Variants in TGM3 observed in about 807,000 individuals in gnomAD.
The protein encoded by TGM3 is transglutaminase 3, also known as protein-glutamine gamma-glutamyltransferase E.
A neutral mutation model predicts 73.8 loss-of-function variants in TGM3; 52 were observed. The observed-to-expected ratio is 0.70, with a 90% CI of 0.56 to 0.89. The LOEUF (loss-of-function observed/expected upper bound fraction) is 0.89, where lower values mean the gene tolerates loss of function less well. Among genes scored for constraint, TGM3 ranks in the 40% least tolerant of loss-of-function variants. The pLI, the probability that TGM3 is intolerant of heterozygous loss-of-function variation, is 0.00. For missense variants in TGM3, 928 were observed against 909.9 expected, an observed-to-expected ratio of 1.02 and a Z score of -0.26; for synonymous variants, 372 against 354.9, an observed-to-expected ratio of 1.05 and a Z score of -0.54.
At chr20:2,306,031 C>A (rs376404514) in intron 1 of TGM3, among the ~76,000 whole-genome samples, 2 of 152,142 alleles carry the variant, frequency 1.3e-5, no homozygotes, top group African/African-American at 4.8e-5. Flanking sequence ...TTGGGAGGCA[C>A]CCTGGAGCTC....
At chr20:2,313,098 C>T (rs1343127201) in intron 5 of TGM3, 72 bp downstream of exon 5, 11 of 1,585,204 alleles carry the variant, frequency 6.9e-6, no homozygotes, top group African/African-American at 2.7e-5. Context: ...TAGGCACGCA[C>T]ACTCTTTACA....
Position 2,334,202 on chromosome 20 carries a change from T to C in TGM3, c.1643-914T>C, listed in dbSNP as rs556339338. 7.2e-4 allele frequency among the ~76,000 whole-genome samples: 109 copies of C among 152,228 alleles called. No homozygotes were observed. The highest frequency in any genetic ancestry group is 2.4e-3 in the African/African-American group (101 of 41,538). ...GAGGCATTTCCATCTGGGGGAACCA[T>C]GTGAGTCAAAATATGGGGGCGAAAA... On this transcript the variant is annotated intron_variant, in intron 10 of 12. Coordinates refer to ENST00000381458, the MANE Select transcript of TGM3 (RefSeq NM_003245.4). This position sits in a 1 kb window ranked among gnomAD's most constrained non-coding sequence, Gnocchi z 4.0.
In TGM3 at chr20:2,331,961, A is replaced by G. The variant is rs199867346; in HGVS notation, c.1334-41A>G. ...GGTACTGTCCTTTGCCCAGGTTGCC[A>G]TCACATCCCTGGCATGTTTCTGTCT... On this transcript the variant is annotated intron_variant, in intron 9 of 12. Coordinates refer to ENST00000381458, the MANE Select transcript of TGM3 (RefSeq NM_003245.4). The G allele has an allele frequency of 1.3e-4, 208 of 1,563,008 alleles. 1 individual carries two copies. In the South Asian group the frequency reaches 2.4e-3, roughly 18 times the overall value.
At chr20:2,312,396 C>CA (rs57369938) in intron 4 of TGM3, among the ~76,000 whole-genome samples, 34,375 of 60,582 alleles carry the variant, frequency 0.57, 11,995 homozygotes, top group East Asian at 0.83. Context: ...GACTCCGTCT[C>CA]AAAAAAAAAA....
rs1327142755 is a variant in TGM3, at chr20:2,311,179, G to T, written c.540+50G>T. 2.7e-6 allele frequency: 4 copies of T among 1,472,080 alleles called. No homozygotes were observed. In the South Asian group the frequency reaches 3.4e-5, roughly 13 times the overall value. 91.2% of individuals were successfully genotyped at this position (1,472,080 alleles called of 1,614,324 possible). On this transcript the variant is annotated intron_variant, in intron 4 of 12. Transcript: ENST00000381458. ...GGGTAATGTCCCTGTTACCCAAGAAGCTCAGCAGCTTGCCCCACAGATCAA... is the reference window on the plus strand; with the variant it reads ...GGGTAATGTCCCTGTTACCCAAGAATCTCAGCAGCTTGCCCCACAGATCAA...
In TGM3 at chr20:2,335,112, C is replaced by G; in HGVS notation, c.1643-4C>G. 6.2e-7 allele frequency: 1 copy of G among 1,614,166 alleles called. No homozygotes were observed. The highest frequency in any genetic ancestry group is 8.5e-7 in the Non-Finnish European group (1 of 1,179,984). On this transcript the variant is annotated splice_polypyrimidine_tract_variant and splice_region_variant and intron_variant, in intron 10 of 12. Coordinates refer to ENST00000381458, the MANE Select transcript of TGM3 (RefSeq NM_003245.4). ...CACTCGGATCCCCTGGCTTCTCCTT[C>G]CAGAGGCAGAACATCCCATAAAGAT...
intron 7 of TGM3, among the ~76,000 whole-genome samples, chr20:2,322,445 A>G (rs1348681296): frequency 6.7e-6 from 1 of 149,668 alleles, no homozygotes; most frequent in Non-Finnish European, 1.5e-5. Context: ...ACATTATATC[A>G]TGAGCATTCT....
At chr20:2,326,988 A>G (rs888104499) in intron 8 of TGM3, among the ~76,000 whole-genome samples, 7 of 152,224 alleles carry the variant, frequency 4.6e-5, no homozygotes, top group African/African-American at 1.7e-4. Flanking sequence ...AGTGCACGTT[A>G]CTAGATTTGG....
chr20:2,328,338 G>A lies in TGM3; in HGVS notation c.1306G>A (p.Val436Ile), dbSNP rs769115793. The change falls in exon 9 of 13, where the codon GTC (valine) becomes ATC (isoleucine). Residue 436 changes from valine (V) to isoleucine (I), a missense_variant. Transcript: ENST00000381458. This position sits in a 1 kb window ranked among gnomAD's most constrained non-coding sequence, Gnocchi z 5.2. ...GGTGGGCAGCAATGCTCGCATGGACGTCACGGACAAGTACAAGTACCCAGA... is the reference window on the plus strand; with the variant it reads ...GGTGGGCAGCAATGCTCGCATGGACATCACGGACAAGTACAAGTACCCAGA... ...KAVGSNARMD[V>I]TDKYKYPEGS... 8.7e-6 allele frequency: 14 copies of A among 1,614,006 alleles called. No individual in the cohort carries two copies. The highest frequency in any genetic ancestry group is 1.7e-5 in the Admixed American group (1 of 59,994).
At chr20:2,298,389 C>T (rs1353687443) in intron 1 of TGM3, among the ~76,000 whole-genome samples, 1 of 152,168 alleles carries the variant, frequency 6.6e-6, no homozygotes, top group African/African-American at 2.4e-5. Context: ...GATTCCCCAT[C>T]CCCAAAGCCA....
intron 1 of TGM3, among the ~76,000 whole-genome samples, chr20:2,297,327 C>A (rs910187868): frequency 7.9e-5 from 12 of 152,356 alleles, no homozygotes; most frequent in Admixed American, 5.2e-4. Flanking sequence ...CCTGGCTTCT[C>A]ATTTGAGCTT....
chr20:2,316,835 T>A (rs771696207), intron 5 of TGM3, among the ~76,000 whole-genome samples: 7 of 152,056 alleles, frequency 4.6e-5, no homozygotes, highest in Non-Finnish European at 8.8e-5. Context: ...TCAAGGACAA[T>A]CAAACATGGC....
chr20:2,340,371 A>T (rs1450006549), intron 12 of TGM3, 63 bp from the exon 13 acceptor site: 2 of 1,597,940 alleles, frequency 1.3e-6, no homozygotes, highest in Admixed American at 3.4e-5. Flanking sequence ...AGGTCACAGG[A>T]GGCCCGTCCA....
At chr20:2,325,538 G>A (rs992811374) in intron 7 of TGM3, among the ~76,000 whole-genome samples, 1 of 152,172 alleles carries the variant, frequency 6.6e-6, no homozygotes, top group African/African-American at 2.4e-5. Context: ...GGTGCATGCT[G>A]GTCAAGGCTT....
Position 2,332,259 on chromosome 20 carries a change from G to A in TGM3, c.1591G>A (p.Val531Ile). 6.2e-7 allele frequency: 1 copy of A among 1,613,416 alleles called. No homozygotes were observed. Residue 531 changes from valine to isoleucine, a missense_variant, in exon 10 of 13, where the codon GTA (valine) becomes ATA (isoleucine). Coordinates refer to ENST00000381458, the MANE Select transcript of TGM3 (RefSeq NM_003245.4). The surrounding 1 kb of genome is among the most constrained non-coding windows in gnomAD (Gnocchi z 4.4). ...AWTIIYNGTLVHEVWKDSATM... is the reference protein window; with the variant it reads ...AWTIIYNGTLIHEVWKDSATM... ...GACCATCATCTACAACGGCACGCTT[G>A]TACATGAAGTGTGGAAGGACTCTGC...
In TGM3 at chr20:2,332,387, T is replaced by C; in HGVS notation, c.1642+77T>C. On this transcript the variant is annotated intron_variant, in intron 10 of 12. Coordinates refer to ENST00000381458, the MANE Select transcript of TGM3 (RefSeq NM_003245.4). This position sits in a 1 kb window ranked among gnomAD's most constrained non-coding sequence, Gnocchi z 4.4. ...CCTTCTGGGGCTGCAGGGTGTCTGC[T>C]GGGCTCCAGGTTAGTCAGCTACGAA... 1.4e-6 allele frequency: 2 copies of C among 1,405,072 alleles called. No homozygotes were observed. The highest frequency in any genetic ancestry group is 2.9e-5 in the South Asian group (2 of 68,796). The allele number at this position is 1,405,072 out of a possible 1,614,324, so 87.0% of individuals were successfully genotyped here. A position where few individuals can be genotyped will look rare whatever the true frequency, so the allele number is the denominator to read the frequency against.
At chr20:2,303,799 A>G (rs1235942563) in intron 1 of TGM3, among the ~76,000 whole-genome samples, 1 of 152,028 alleles carries the variant, frequency 6.6e-6, no homozygotes, top group African/African-American at 2.4e-5. Context: ...TTCTCAGGAA[A>G]AAAAATCTGG....
At position 2,340,448 on chromosome 20, in the gene TGM3, G is replaced by A. The variant is rs114998364; in HGVS notation, c.1949G>A (p.Gly650Glu). The A allele has an allele frequency of 1.5e-3, 2,385 of 1,613,998 alleles. 37 individuals are homozygous for A. In the African/African-American group the frequency reaches 0.028, roughly 19 times the overall value. The change falls in exon 13 of 13, where the codon GGG becomes GAG. Residue 650 changes from glycine (G) to glutamate (E), a missense_variant. Coordinates refer to ENST00000381458, the MANE Select transcript of TGM3 (RefSeq NM_003245.4). ...GNLKIDVPTL[G>E]PKEGSRVRFD... is the part of the protein sequence containing the mutation. ...CTCCCCATCAGCGTGCCGACCCTAG[G>A]GCCCAAGGAGGGGTCCCGGGTCCGT... is the stretch of plus-strand genomic sequence containing the variant.
At chr20:2,323,435 C>CAG (rs1182295759) in intron 7 of TGM3, among the ~76,000 whole-genome samples, 1 of 152,180 alleles carries the variant, frequency 6.6e-6, no homozygotes, top group Non-Finnish European at 1.5e-5. Flanking sequence ...GCTCTGCCAC[C>CAG]ATTTATCTGC....
Sources: allele counts gnomAD v4.1 joint callset (sites outside exome capture counted in the v4.1 genomes callset), GRCh38; gene constraint gnomAD v4.1.1; non-coding constraint Gnocchi (gnomAD v3.1); transcripts MANE v1.5; gene names NCBI Gene and HGNC (gene_info 2026-07-23, HGNC 2026-07-21).